Variants in HTR3E observed in about 807,000 individuals in gnomAD.
HTR3E encodes 5-hydroxytryptamine (serotonin) receptor 3, family member E.
A neutral mutation model predicts 38.0 loss-of-function variants in HTR3E; 38 were observed. The ratio of observed to expected loss-of-function variants is 1.00; its 90% CI spans 0.77 to 1.31. The LOEUF is 1.31. HTR3E is among the 50% of genes most tolerant of loss of function. HTR3E has a pLI of 0.00. For missense variants in HTR3E, 547 were observed against 585.2 expected (o/e 0.93, Z 0.67); for synonymous variants, 210 against 232.9 (o/e 0.90, Z 0.89).
chr3:184,100,371 A>G (rs1275083798), intron 1 of HTR3E, 114 bp from the exon 2 acceptor site: 1 of 1,613,614 alleles, frequency 6.2e-7, no homozygotes, highest in Admixed American at 1.7e-5. Context: ...AGTGCTCAAC[A>G]AATGTTAGCT....
Position 184,106,249 on chromosome 3 carries a change from C to A in HTR3E, c.1047C>A (p.Ser349=), listed in dbSNP as rs141315989. 4 of 1,612,910 alleles carry A rather than the reference C, an allele frequency of 2.5e-6. No individual in the cohort carries two copies. The highest frequency in any genetic ancestry group is 3.4e-6 in the Non-Finnish European group (4 of 1,180,016). ...CACCCCTGCCTCGGTGGCTCCACTC[C>A]CTGCTGCTCCACTGCAACAGCCCGG... The part of the protein sequence containing the change: ...QPPPLPRWLH[S]LLLHCNSPGR... The change falls in exon 8 of 9, where the codon TCC becomes TCA. Residue 349 remains serine (S), a synonymous_variant. Transcript: ENST00000415389. The surrounding 1 kb of genome is among the most constrained non-coding windows in gnomAD (Gnocchi z 4.1).
chr3:184,098,797 C>T (rs879501289), intron 1 of HTR3E, among the ~76,000 whole-genome samples: 3 of 151,934 alleles, frequency 2.0e-5, no homozygotes, highest in Non-Finnish European at 4.4e-5. Context: ...GTAATCCCAG[C>T]ACTTGGGACG....
chr3:184,106,205 G>A lies in HTR3E; in HGVS notation c.1003G>A (p.Val335Met), dbSNP rs1202055797. The change falls in exon 8 of 9, where the codon GTG (valine) becomes ATG (methionine). Residue 335 changes from valine (V) to methionine (M), a missense_variant. Coordinates refer to ENST00000415389, the MANE Select transcript of HTR3E (RefSeq NM_001256613.2). The surrounding 1 kb of genome is among the most constrained non-coding windows in gnomAD (Gnocchi z 4.1). Reference protein sequence around the residue: ...ETIFITHLLHVATTQPPPLPR... With the variant: ...ETIFITHLLHMATTQPPPLPR... ...CATCTTCATCACCCACCTGCTGCAC[G>A]TGGCCACCACCCAGCCCCCACCCCT... 8.7e-6 allele frequency: 14 copies of A among 1,612,512 alleles called. No individual in the cohort carries two copies. Among genetic ancestry groups the A allele is most frequent in the Admixed American group, 6.7e-5 (4 of 59,952 alleles).
At chr3:184,099,653 G>A (rs1213392278) in intron 1 of HTR3E, among the ~76,000 whole-genome samples, 2 of 141,656 alleles carry the variant, frequency 1.4e-5, no homozygotes, top group Non-Finnish European at 3.0e-5. Flanking sequence ...AGCGGAGCTT[G>A]CAGTGAGCCG....
intron 2 of HTR3E, 114 bp from the exon 3 acceptor site, chr3:184,101,371 G>C: frequency 1.1e-6 from 1 of 891,810 alleles, no homozygotes; most frequent in Non-Finnish European, 1.9e-6. Flanking sequence ...TTTTGTTCTG[G>C]ATCACATATC....
chr3:184,106,539 G>A lies in HTR3E; in HGVS notation c.1217G>A (p.Trp406Ter). The A allele has an allele frequency of 6.2e-7, 1 of 1,613,924 alleles. No homozygotes were observed. The change falls in exon 9 of 9, where the codon TGG (tryptophan) becomes TAG (stop). Residue 406 changes from tryptophan (W) to a stop codon, truncating the protein, a stop_gained. Coordinates refer to ENST00000415389, the MANE Select transcript of HTR3E (RefSeq NM_001256613.2). LOFTEE classifies it low-confidence loss of function (END_TRUNC). This position sits in a 1 kb window ranked among gnomAD's most constrained non-coding sequence, Gnocchi z 4.1. ...GCAGAGCTGACAGGGGGCTCAGAAT[G>A]GACAAGGGCCCAGCGGGAACACGAG... ...AEAELTGGSE[W>*]TRAQREHEAQ...
At chr3:184,099,185 G>A (rs972467257) in intron 1 of HTR3E, among the ~76,000 whole-genome samples, 5 of 151,538 alleles carry the variant, frequency 3.3e-5, no homozygotes, top group African/African-American at 4.9e-5. Flanking sequence ...CTTGAGCCCC[G>A]GGGTTTGAGA....
intron 1 of HTR3E, chr3:184,100,140 G>A: frequency 2.2e-6 from 3 of 1,356,114 alleles, no homozygotes; most frequent in Non-Finnish European, 2.8e-6. Flanking sequence ...TCATCCCTGG[G>A]GACGTATAGC....
Position 184,105,777 on chromosome 3 carries a change from C to G in HTR3E, c.733C>G (p.Arg245Gly). 6.2e-7 allele frequency: 1 copy of G among 1,613,908 alleles called. No individual in the cohort carries two copies. Residue 245 changes from arginine to glycine, a missense_variant, in exon 7 of 9, where the codon CGC becomes GGC. Arg to Gly is a moderately radical substitution (Grantham distance 125). Coordinates refer to ENST00000415389, the MANE Select transcript of HTR3E (RefSeq NM_001256613.2). ...CCTACCCCACCAGGTGGCCATCAGG[C>G]GCAGGCCCAGTCTCTATGTCATAAA... ...DQIVFYVAIR[R>G]RPSLYVINLL...
At position 184,104,064 on chromosome 3, in the gene HTR3E, A is replaced by G. The variant is rs6443952; in HGVS notation, c.280-118A>G. The G allele has an allele frequency of 3.1e-3, 1,931 of 626,922 alleles. 17 individuals carry two copies. Among genetic ancestry groups the G allele is most frequent in the African/African-American group, 0.022 (1,146 of 52,884 alleles). The allele number at this position is 626,922 out of a possible 1,614,324, so 38.8% of individuals were successfully genotyped here. Reference sequence around the variant, plus strand: ...CCACAAAGTTGGGTTGTAAATACATAGATGTTTGTCACAGCATTTTATATA... The same window carrying G: ...CCACAAAGTTGGGTTGTAAATACATGGATGTTTGTCACAGCATTTTATATA... On this transcript the variant is annotated intron_variant, in intron 3 of 8. Coordinates refer to ENST00000415389, the MANE Select transcript of HTR3E (RefSeq NM_001256613.2).
rs191194809 is a variant in HTR3E at position 184,105,962 on chromosome 3, C to T, written c.918C>T (p.Pro306=). The change falls in exon 7 of 9, where the codon CCC becomes CCT. Residue 306 remains proline, a synonymous_variant. Coordinates refer to ENST00000415389, the MANE Select transcript of HTR3E (RefSeq NM_001256613.2). ...ACTTGCTCCCCACCAGTGGCACCCC[C>T]CTCATCGGTATGGCTCCTCCCACCT... ...MSDLLPTSGT[P]LIGVYFALCL... 1.4e-5 allele frequency: 22 copies of T among 1,614,166 alleles called. No homozygotes were observed. The East Asian group carries it at 1.8e-4, about 13-fold the overall frequency.
Position 184,105,394 on chromosome 3 carries a change from G to A in HTR3E, c.687G>A (p.Arg229=), listed in dbSNP as rs560810138. 8.7e-6 allele frequency: 14 copies of A among 1,613,924 alleles called. No individual in the cohort carries two copies. In the African/African-American group the frequency reaches 1.1e-4, roughly 12 times the overall value. ...GCAAGGCCACCGCAAAGTTGTCCAG[G>A]GGAGGCAACCTGTATGATCAGATCG... ...GLSKATAKLS[R]GGNLYDQIVF... The change falls in exon 6 of 9, where the codon AGG becomes AGA. Residue 229 remains arginine, a synonymous_variant. Coordinates refer to ENST00000415389, the MANE Select transcript of HTR3E (RefSeq NM_001256613.2).
chr3:184,104,538 T>G, intron 4 of HTR3E: 1 of 443,614 alleles, frequency 2.3e-6, no homozygotes, highest in South Asian at 5.1e-5. Context: ...AAACCTCATC[T>G]CTTAAAAAAA....
intron 6 of HTR3E, 61 bp downstream of exon 6, chr3:184,105,488 C>T: frequency 6.6e-7 from 1 of 1,520,698 alleles, no homozygotes; most frequent in Non-Finnish European, 8.9e-7. Context: ...CCTAGAATGT[C>T]CATCAAATAT....
In HTR3E at chr3:184,101,345, T is replaced by C. The variant is rs1712031899; in HGVS notation, c.235-140T>C. 32 of 766,884 alleles carry C rather than the reference T, an allele frequency of 4.2e-5. No individual in the cohort carries two copies. In the South Asian group the frequency reaches 4.8e-4, roughly 12 times the overall value. 47.5% of individuals were successfully genotyped at this position (766,884 alleles called of 1,614,324 possible). ...ACTCTCCTGTCCGTAGCCTAACACA[T>C]GGGTTTGGATAGAGCTTTTGTTCTG... On this transcript the variant is annotated intron_variant, in intron 2 of 8. Transcript: ENST00000415389.
chr3:184,105,420 T>C lies in HTR3E; in HGVS notation c.713T>C (p.Val238Ala). Reference sequence around the variant, plus strand: ...GGAGGCAACCTGTATGATCAGATCGTGTTCTATGTGAGCTTGGAGGCTCTT... The same window carrying C: ...GGAGGCAACCTGTATGATCAGATCGCGTTCTATGTGAGCTTGGAGGCTCTT... ...SRGGNLYDQI[V>A]FYVAIRRRPS... The change falls in exon 6 of 9, where the codon GTG becomes GCG. Residue 238 changes from valine (V) to alanine (A), a missense_variant. Val to Ala is a moderately conservative substitution (Grantham distance 64). Transcript: ENST00000415389. 6.2e-7 allele frequency: 1 copy of C among 1,605,208 alleles called. No homozygotes were observed.
At position 184,101,548 on chromosome 3, in the gene HTR3E, T is replaced by G. The variant is rs368559071; in HGVS notation, c.279+19T>G. On this transcript the variant is annotated intron_variant, in intron 3 of 8. Transcript: ENST00000415389. ...GGAAATGGTATGGACAACACTTTAT[T>G]CTCTCCCTACAGTTACAGTCAAAAA... 1.0e-4 allele frequency: 163 copies of G among 1,586,078 alleles called. No individual in the cohort carries two copies. The highest frequency in any genetic ancestry group is 1.4e-4 in the Non-Finnish European group (161 of 1,154,480).
At position 184,106,782 on chromosome 3, in the gene HTR3E, C is replaced by T; in HGVS notation, c.*89C>T. 1 of 1,294,382 alleles carries T rather than the reference C, an allele frequency of 7.7e-7. No homozygotes were observed. Among genetic ancestry groups the T allele is most frequent in the Non-Finnish European group, 1.1e-6 (1 of 912,926 alleles). The allele number at this position is 1,294,382 out of a possible 1,614,324, so 80.2% of individuals were successfully genotyped here. On this transcript the variant is annotated 3_prime_UTR_variant, in exon 9 of 9. Transcript: ENST00000415389. This position sits in a 1 kb window ranked among gnomAD's most constrained non-coding sequence, Gnocchi z 4.1. ...CCCCCCTTTCCTGAGTACCAACTAT[C>T]ATATCCCCAAAGATGACTGAGTCTC... is the stretch of plus-strand genomic sequence containing the variant.
chr3:184,099,136 A>G (rs563588455), intron 1 of HTR3E, among the ~76,000 whole-genome samples: 3 of 152,274 alleles, frequency 2.0e-5, no homozygotes, highest in African/African-American at 7.2e-5. Flanking sequence ...GCTCACACCT[A>G]TAATTCCAGA....
Sources: allele counts gnomAD v4.1 joint callset (sites outside exome capture counted in the v4.1 genomes callset), GRCh38; gene constraint gnomAD v4.1.1; non-coding constraint Gnocchi (gnomAD v3.1); transcripts MANE v1.5; gene names NCBI Gene and HGNC (gene_info 2026-07-23, HGNC 2026-07-21).